PRMT7: variants seen among roughly 807,000 people sequenced by gnomAD.
PRMT7 encodes protein arginine N-methyltransferase 7.
In PRMT7, 75 loss-of-function variants were observed where a neutral mutation model predicts 85.4. That is an observed-to-expected ratio of 0.88 (90% CI 0.73 to 1.06). The LOEUF is 1.06. Among genes scored for constraint, PRMT7 ranks in the 50% least tolerant of loss-of-function variants. The probability of loss-of-function intolerance (pLI) is 0.00; values close to 1 mark genes in which losing one functional copy is unlikely to be tolerated. For missense variants in PRMT7, 868 were observed against 915.2 expected, an observed-to-expected ratio of 0.95 and a Z score of 0.67; for synonymous variants, 397 against 359.5, an observed-to-expected ratio of 1.10 and a Z score of -1.18.
intron 14 of PRMT7, among the ~76,000 whole-genome samples, chr16:68,351,143 C>T (rs1216429985): frequency 3.3e-5 from 5 of 152,168 alleles, no homozygotes; most frequent in Admixed American, 6.5e-5. Flanking sequence ...GTGGTGGGAG[C>T]GGGCGTTCTT....
intron 6 of PRMT7, among the ~76,000 whole-genome samples, chr16:68,335,772 C>G (rs1280329710): frequency 6.6e-6 from 1 of 151,226 alleles, no homozygotes; most frequent in Non-Finnish European, 1.5e-5. Context: ...CTATCAGCTG[C>G]TCTCTTTCTT....
chr16:68,339,158 C>G (rs995554372), intron 7 of PRMT7, among the ~76,000 whole-genome samples, 164 bp from the exon 8 acceptor site: 2 of 151,912 alleles, frequency 1.3e-5, no homozygotes, highest in African/African-American at 4.8e-5. Context: ...TTTCCCTTTT[C>G]CAAGGGCATA....
At chr16:68,318,811 G>A (rs1311808611) in intron 3 of PRMT7, 4 of 152,342 alleles carry the variant, frequency 2.6e-5, no homozygotes, top group Non-Finnish European at 4.4e-5. Context: ...GGGATTACAG[G>A]TGTGAGCCAC....
chr16:68,324,840 A>T lies in PRMT7; in HGVS notation c.282+8A>T, dbSNP rs774684289. The stretch of plus-strand genomic sequence containing the variant: ...TTCTGCTATGCCATCGAGGTAAGCC[A>T]TTCCCTTCAGGTGTGTGTCCTGCAT... On this transcript the variant is annotated splice_region_variant and intron_variant, in intron 5 of 18. Transcript: ENST00000441236. The T allele has an allele frequency of 6.2e-7, 1 of 1,613,634 alleles. No individual in the cohort carries two copies. The highest frequency in any genetic ancestry group is 2.2e-5 in the East Asian group (1 of 44,886).
At chr16:68,321,911 C>T (rs188590572) in intron 4 of PRMT7, among the ~76,000 whole-genome samples, 63 of 152,262 alleles carry the variant, frequency 4.1e-4, no homozygotes, top group African/African-American at 1.2e-3. Context: ...CAGATCCTCT[C>T]CCTTAGCAGG....
intron 9 of PRMT7, among the ~76,000 whole-genome samples, chr16:68,341,656 C>G (rs540786115): frequency 3.9e-5 from 6 of 152,276 alleles, no homozygotes; most frequent in Non-Finnish European, 8.8e-5. Context: ...TGACCTGCCC[C>G]ACCGGCCTCC....
At chr16:68,339,679 A>AAG in intron 8 of PRMT7, 109 bp from the exon 9 acceptor site, 1 of 1,581,844 alleles carries the variant, frequency 6.3e-7, no homozygotes, top group Non-Finnish European at 8.7e-7. Context: ...CCTCGAAGGC[A>AAG]AGAGTCCTTT....
rs537412923 is a variant in PRMT7 at position 68,358,215 on chromosome 16, C to G, written c.*991C>G. 6.6e-6 allele frequency: 1 copy of G among 152,644 alleles called. No individual in the cohort carries two copies. The highest frequency in any genetic ancestry group is 1.9e-4 in the East Asian group (1 of 5,194). 9.5% of individuals were successfully genotyped at this position (152,644 alleles called of 1,614,324 possible). A position where few individuals can be genotyped will look rare whatever the true frequency, so the allele number is the denominator to read the frequency against. ...CCGGTGTCCTCGGATTCAGGGCAGA[C>G]TTGGGCAGTGCCTGTCCTGCAGTTG... On this transcript the variant is annotated 3_prime_UTR_variant, in exon 19 of 19. Coordinates refer to ENST00000441236, the MANE Select transcript of PRMT7 (RefSeq NM_019023.5).
At chr16:68,326,838 G>A (rs2083180041) in intron 5 of PRMT7, among the ~76,000 whole-genome samples, 1 of 152,180 alleles carries the variant, frequency 6.6e-6, no homozygotes, top group Non-Finnish European at 1.5e-5. Flanking sequence ...TTGATGGGCT[G>A]AGGAGAAGGA....
chr16:68,339,700 G>A, intron 8 of PRMT7, 88 bp from the exon 9 acceptor site: 2 of 1,570,518 alleles, frequency 1.3e-6, no homozygotes, highest in Non-Finnish European at 1.7e-6. Flanking sequence ...GCAGCCAAAT[G>A]TCATTGCCAG....
intron 5 of PRMT7, among the ~76,000 whole-genome samples, chr16:68,327,720 G>A (rs2083291749): frequency 6.6e-6 from 1 of 152,146 alleles, no homozygotes; most frequent in Admixed American, 6.5e-5. Flanking sequence ...GGCTGAGACA[G>A]GTGGAAACCT....
intron 6 of PRMT7, among the ~76,000 whole-genome samples, chr16:68,329,802 T>C (rs2083598150): frequency 6.6e-6 from 1 of 151,978 alleles, no homozygotes; most frequent in Non-Finnish European, 1.5e-5. Context: ...AGTTCTGACA[T>C]TCTGCTTCTG....
At chr16:68,333,814 C>T (rs1342962576) in intron 6 of PRMT7, among the ~76,000 whole-genome samples, 1 of 152,066 alleles carries the variant, frequency 6.6e-6, no homozygotes, top group Non-Finnish European at 1.5e-5. Flanking sequence ...GCTCTGTCGC[C>T]CAGGCTGGAG....
At chr16:68,330,740 G>A (rs572689638) in intron 6 of PRMT7, among the ~76,000 whole-genome samples, 8 of 152,026 alleles carry the variant, frequency 5.3e-5, no homozygotes, top group East Asian at 3.9e-4. Flanking sequence ...GATTACAGGC[G>A]TGCACCACCA....
chr16:68,347,390 C>A, intron 12 of PRMT7, 96 bp downstream of exon 12: 2 of 1,287,832 alleles, frequency 1.6e-6, no homozygotes, highest in South Asian at 1.5e-5. Context: ...AGGCTCTTTG[C>A]AAAGGCCACT....
chr16:68,344,968 A>AT (rs3068649), intron 9 of PRMT7, among the ~76,000 whole-genome samples: 76,178 of 139,950 alleles, frequency 0.54, 21,068 homozygotes, highest in East Asian at 0.78. Context: ...GGGCATGCAC[A>AT]TTTTTTTTTT....
chr16:68,335,277 G>A (rs1371623648), intron 6 of PRMT7, among the ~76,000 whole-genome samples: 2 of 152,328 alleles, frequency 1.3e-5, no homozygotes, highest in East Asian at 3.9e-4. Flanking sequence ...TGTGGGTGCT[G>A]GGGTACAGTA....
Position 68,316,008 on chromosome 16 carries a change from C to G in PRMT7, c.29C>G (p.Pro10Arg), listed in dbSNP as rs756452564. Residue 10 changes from proline (P) to arginine (R), a missense_variant, in exon 3 of 19, where the codon CCG (proline) becomes CGG (arginine). Pro to Arg is a moderately radical substitution (Grantham distance 103). Coordinates refer to ENST00000441236, the MANE Select transcript of PRMT7 (RefSeq NM_019023.5). MKIFCSRAN[P>R]TTGSVEWLEE... ...AAGATCTTCTGCAGTCGGGCCAATC[C>G]GACCACGGGGTCTGTGGAGTGGCTG... 1.3e-5 allele frequency: 21 copies of G among 1,613,580 alleles called. No individual in the cohort carries two copies. Among genetic ancestry groups the G allele is most frequent in the Middle Eastern group, 1.6e-4 (1 of 6,078 alleles).
In PRMT7 at chr16:68,324,670, A is replaced by G. The variant is rs759963233; in HGVS notation, c.133-13A>G. The G allele has an allele frequency of 1.9e-5, 31 of 1,613,896 alleles. No individual in the cohort carries two copies. Among genetic ancestry groups the G allele is most frequent in the Middle Eastern group, 1.6e-4 (1 of 6,082 alleles). ...TAATAACTGGTAGTAAGTGACGGCC[A>G]TGTCTTCCTTAGAATGTAAAATACT... On this transcript the variant is annotated splice_polypyrimidine_tract_variant and intron_variant, in intron 4 of 18. Transcript: ENST00000441236.
Sources: allele counts gnomAD v4.1 joint callset (sites outside exome capture counted in the v4.1 genomes callset), GRCh38; gene constraint gnomAD v4.1.1; transcripts MANE v1.5; gene names NCBI Gene and HGNC (gene_info 2026-07-23, HGNC 2026-07-21).